CHLSN: variants seen among roughly 807,000 people sequenced by gnomAD.
The protein encoded by CHLSN is cholesin.
the CHLSN span, chr7:989,556 G>C: frequency 6.5e-6 from 1 of 153,176 alleles, no homozygotes; most frequent in East Asian, 1.9e-4. Flanking sequence ...CGAGGCAGGC[G>C]AATCACGAGG....
At chr7:981,607 G>T in the CHLSN span, among the ~76,000 whole-genome samples, 248 of 152,250 alleles carry the variant, frequency 1.6e-3, no homozygotes, top group Middle Eastern at 3.4e-3. Flanking sequence ...CCAGCTACTC[G>T]GGAGGCTGAG....
At chr7:988,582 C>T in the CHLSN span, 1 of 1,598,810 alleles carries the variant, frequency 6.3e-7, no homozygotes, top group East Asian at 2.2e-5. Context: ...CCACCCCTCC[C>T]CTCCAGGAGC....
At chr7:985,313 C>A in the CHLSN span, 2 of 1,550,740 alleles carry the variant, frequency 1.3e-6, no homozygotes, top group African/African-American at 1.4e-5. Context: ...TTGGGGTCCC[C>A]TGGCCTGCAG....
the CHLSN span, among the ~76,000 whole-genome samples, chr7:1,062,463 C>T: frequency 1.3e-5 from 2 of 152,192 alleles, no homozygotes; most frequent in Non-Finnish European, 2.9e-5. Flanking sequence ...GGAGTGGTTC[C>T]ACTTCACACA....
the CHLSN span, among the ~76,000 whole-genome samples, chr7:1,017,099 G>A: frequency 6.6e-5 from 10 of 152,222 alleles, no homozygotes; most frequent in African/African-American, 2.2e-4. Context: ...CGGACCACTC[G>A]GAAGCCTTGG....
the CHLSN span, among the ~76,000 whole-genome samples, chr7:1,115,099 C>T: frequency 6.6e-6 from 1 of 152,244 alleles, no homozygotes; most frequent in African/African-American, 2.4e-5. Flanking sequence ...GGAGACAATT[C>T]AAAGTCTCTA....
At chr7:980,125 T>G in the CHLSN span, among the ~76,000 whole-genome samples, 77 of 152,338 alleles carry the variant, frequency 5.1e-4, no homozygotes, top group Non-Finnish European at 9.8e-4. Flanking sequence ...CGGCCATCTC[T>G]GGAAGCCGCC....
the CHLSN span, among the ~76,000 whole-genome samples, chr7:1,048,245 G>A: frequency 1.3e-5 from 2 of 152,196 alleles, no homozygotes; most frequent in African/African-American, 2.4e-5. Flanking sequence ...CACCGGGCGT[G>A]GGACTTGCCG....
chr7:1,018,546 A>T, the CHLSN span, among the ~76,000 whole-genome samples: 1 of 151,550 alleles, frequency 6.6e-6, no homozygotes, highest in Non-Finnish European at 1.5e-5. Flanking sequence ...GCCCAGTGGG[A>T]GCAGGCACCT....
the CHLSN span, chr7:1,058,021 G>A: frequency 1.3e-6 from 1 of 769,744 alleles, no homozygotes; most frequent in Non-Finnish European, 2.4e-6. Flanking sequence ...TACATCTGCA[G>A]CCATGTGTCC....
At chr7:1,017,000 G>GCGCACGCC in the CHLSN span, among the ~76,000 whole-genome samples, 1 of 125,376 alleles carries the variant, frequency 8.0e-6, no homozygotes, top group Non-Finnish European at 1.8e-5. Flanking sequence ...CAGCGCACAG[G>GCGCACGCC]AGCACACAGC....
the CHLSN span, chr7:997,448 G>C: frequency 7.2e-6 from 4 of 556,714 alleles, no homozygotes; most frequent in African/African-American, 6.0e-5. Context: ...AGGAGGGAAG[G>C]GGCCCTTGCG....
chr7:1,127,440 TG>T, the CHLSN span: 7 of 1,511,386 alleles, frequency 4.6e-6, no homozygotes, highest in Non-Finnish European at 6.2e-6. Flanking sequence ...GCTTAACTCA[TG>T]TAAGATTTTT....
chr7:1,082,823 C>G, the CHLSN span, among the ~76,000 whole-genome samples: 1 of 152,226 alleles, frequency 6.6e-6, no homozygotes, highest in African/African-American at 2.4e-5. Flanking sequence ...CCGCAGAGAA[C>G]TAAGGAAGCA....
At chr7:1,111,123 T>G in the CHLSN span, among the ~76,000 whole-genome samples, 1 of 152,232 alleles carries the variant, frequency 6.6e-6, no homozygotes, top group Non-Finnish European at 1.5e-5. Context: ...ATGTCTGGCT[T>G]GGTGCTTTGC....
chr7:1,132,976 T>C, the CHLSN span, among the ~76,000 whole-genome samples: 1 of 152,050 alleles, frequency 6.6e-6, no homozygotes, highest in African/African-American at 2.4e-5. Context: ...TAAAAATGTG[T>C]CCAATGATGT....
the CHLSN span, among the ~76,000 whole-genome samples, chr7:1,040,513 C>CA: frequency 6.6e-6 from 1 of 151,986 alleles, no homozygotes; most frequent in Non-Finnish European, 1.5e-5. Flanking sequence ...AAAACAAAAC[C>CA]AAAACAACAA....
At chr7:1,064,798 A>G in the CHLSN span, among the ~76,000 whole-genome samples, 3 of 152,260 alleles carry the variant, frequency 2.0e-5, no homozygotes, top group Non-Finnish European at 4.4e-5. Flanking sequence ...GTCCCACAGC[A>G]GTGAGCAGCC....
At chr7:1,107,461 T>C in the CHLSN span, among the ~76,000 whole-genome samples, 1 of 152,194 alleles carries the variant, frequency 6.6e-6, no homozygotes, top group Non-Finnish European at 1.5e-5. Context: ...TGGTAGCTTC[T>C]TCCCACTCTA....
Sources: gnomAD v4.1 joint callset for allele counts (sites outside exome capture counted in the v4.1 genomes callset) on GRCh38, gnomAD v4.1.1 for gene constraint, MANE v1.5 for transcripts, NCBI Gene and HGNC (gene_info 2026-07-23, HGNC 2026-07-21) for gene names.